MOSPD1: variants seen among roughly 807,000 people sequenced by gnomAD.
The protein encoded by MOSPD1 is motile sperm domain containing 1, also known as motile sperm domain-containing protein 1.
In MOSPD1, 5 loss-of-function variants were observed where a neutral mutation model predicts 16.7. The observed-to-expected ratio is 0.30, with a 90% CI of 0.16 to 0.63. The LOEUF is 0.63. MOSPD1 is among the 30% of genes least tolerant of loss of function. The probability of loss-of-function intolerance (pLI) is 0.82; values close to 1 mark genes in which losing one functional copy is unlikely to be tolerated. For missense variants in MOSPD1, 104 were observed against 153.6 expected (o/e 0.68, Z 1.71); for synonymous variants, 67 against 59.2 (o/e 1.13, Z -0.61).
Position 134,888,228 on chromosome X carries a change from C to A in MOSPD1, c.*933G>T, listed in dbSNP as rs903574185. On this transcript the variant is annotated 3_prime_UTR_variant, in exon 6 of 6. Transcript: ENST00000370783. ...AATAAATAAAAACTTAAAAAAAAGT[C>A]TCAGTGACTGATATAAAATAGACAT... The A allele has an allele frequency of 8.9e-6, 1 of 111,899 alleles. No individual in the cohort carries two copies. The highest frequency in any genetic ancestry group is 9.6e-5 in the Admixed American group (1 of 10,454). The allele number at this position is 111,899 out of a possible 1,213,427, so 9.2% of individuals were successfully genotyped here. A position where few individuals can be genotyped will look rare whatever the true frequency, so the allele number is the denominator to read the frequency against.
intron 1 of MOSPD1, among the ~76,000 whole-genome samples, chrX:134,903,508 T>A (rs1413683563): frequency 1.8e-5 from 2 of 108,140 alleles, no homozygotes; most frequent in Non-Finnish European, 3.8e-5. Flanking sequence ...GGTCAGGAGT[T>A]CGAGACCAGC....
chrX:134,897,286 A>T (rs762255671), intron 3 of MOSPD1, among the ~76,000 whole-genome samples: 65 of 110,580 alleles, frequency 5.9e-4, no homozygotes, highest in African/African-American at 2.1e-3. Flanking sequence ...AGGTAAAGAA[A>T]ATTCCTTTTT....
In MOSPD1 at chrX:134,899,547, G is replaced by A. The variant is rs2082902405; in HGVS notation, c.-101-13C>T. 1.3e-6 allele frequency: 1 copy of A among 747,283 alleles called. No homozygotes were observed. The allele number at this position is 747,283 out of a possible 1,213,427, so 61.6% of individuals were successfully genotyped here. ...GCATTTTGGCAATCTAGAAATAGAAGGAGAAAGCGAGAAGAAAAGTGAATG... is the reference window on the plus strand; with the variant it reads ...GCATTTTGGCAATCTAGAAATAGAAAGAGAAAGCGAGAAGAAAAGTGAATG... On this transcript the variant is annotated splice_polypyrimidine_tract_variant and intron_variant, in intron 1 of 5. Transcript: ENST00000370783.
At chrX:134,903,447 C>A (rs2082922984) in intron 1 of MOSPD1, among the ~76,000 whole-genome samples, 1 of 110,002 alleles carries the variant, frequency 9.1e-6, no homozygotes. Flanking sequence ...CACAGTGGCT[C>A]ACGCCTGTAA....
intron 1 of MOSPD1, among the ~76,000 whole-genome samples, chrX:134,903,985 C>T (rs753378277): frequency 1.8e-5 from 2 of 111,294 alleles, no homozygotes; most frequent in Non-Finnish European, 3.8e-5. Context: ...TGCAGTGAGC[C>T]GAGACTGTGC....
At chrX:134,891,769 T>C in intron 4 of MOSPD1, 129 bp from the exon 5 acceptor site, 1 of 665,559 alleles carries the variant, frequency 1.5e-6, no homozygotes, top group Non-Finnish European at 2.2e-6. Context: ...CCCCATCATT[T>C]TTTCCATCTG....
intron 1 of MOSPD1, among the ~76,000 whole-genome samples, chrX:134,913,375 A>G (rs1031886876): frequency 2.7e-5 from 3 of 111,697 alleles, no homozygotes; most frequent in African/African-American, 9.8e-5. Context: ...CCCTGTCTCA[A>G]AAAATATATA....
chrX:134,889,035 C>A lies in MOSPD1; in HGVS notation c.*126G>T. On this transcript the variant is annotated 3_prime_UTR_variant, in exon 6 of 6. Transcript: ENST00000370783. ...ATTATAATTTAAAATATATATTATA[C>A]ATTTGCAATTATTTGAAATCATTCA... is the stretch of plus-strand genomic sequence containing the variant. The A allele has an allele frequency of 2.8e-6, 1 of 357,265 alleles. No homozygotes were observed. The highest frequency in any genetic ancestry group is 4.8e-6 in the Non-Finnish European group (1 of 209,400). 29.4% of individuals were successfully genotyped at this position (357,265 alleles called of 1,213,427 possible).
Position 134,899,473 on chromosome X carries a change from G to A in MOSPD1, c.-40C>T. 9.1e-7 allele frequency: 1 copy of A among 1,104,660 alleles called. No individual in the cohort carries two copies. The highest frequency in any genetic ancestry group is 2.5e-5 in the South Asian group (1 of 39,755). The allele number at this position is 1,104,660 out of a possible 1,213,427, so 91.0% of individuals were successfully genotyped here. A position where few individuals can be genotyped will look rare whatever the true frequency, so the allele number is the denominator to read the frequency against. On this transcript the variant is annotated 5_prime_UTR_variant, in exon 2 of 6. Transcript: ENST00000370783. The stretch of plus-strand genomic sequence containing the variant: ...CCTTGCTGCAGTTTCTGTTTTTACA[G>A]TCTCAAATCTATTTTGGACTTTTCT...
chrX:134,913,131 T>C (rs2082981344), intron 1 of MOSPD1, among the ~76,000 whole-genome samples: 1 of 109,889 alleles, frequency 9.1e-6, no homozygotes, highest in Non-Finnish European at 1.9e-5. Context: ...CATAGCACTT[T>C]GGGAGACCGA....
At chrX:134,910,733 T>C (rs987487550) in intron 1 of MOSPD1, among the ~76,000 whole-genome samples, 5 of 112,145 alleles carry the variant, frequency 4.5e-5, no homozygotes, top group African/African-American at 1.6e-4. Flanking sequence ...AGCTTTGGCA[T>C]TGCATATGGT....
At chrX:134,914,289 G>A (rs1244150037) in intron 1 of MOSPD1, among the ~76,000 whole-genome samples, 4 of 111,976 alleles carry the variant, frequency 3.6e-5, no homozygotes, top group African/African-American at 1.3e-4. Flanking sequence ...GGGCAGATCT[G>A]CTACTTCAGC....
At chrX:134,895,203 T>C (rs368806104) in intron 4 of MOSPD1, among the ~76,000 whole-genome samples, 20 of 110,424 alleles carry the variant, frequency 1.8e-4, no homozygotes, top group African/African-American at 6.6e-4. Context: ...CGAGCACCTG[T>C]AGTCCCAGCT....
intron 1 of MOSPD1, among the ~76,000 whole-genome samples, chrX:134,903,502 AG>A (rs1481139250): frequency 9.2e-6 from 1 of 108,708 alleles, no homozygotes; most frequent in African/African-American, 3.3e-5. Flanking sequence ...ACCTGAGGTC[AG>A]GAGTTCGAGA....
chrX:134,903,275 GT>G (rs891727213), intron 1 of MOSPD1, among the ~76,000 whole-genome samples: 5 of 110,225 alleles, frequency 4.5e-5, no homozygotes, highest in South Asian at 7.4e-4. Flanking sequence ...ACAGATAAAA[GT>G]TTTTTTTAAA....
In MOSPD1 at chrX:134,889,838, G is replaced by A. The variant is rs570202200; in HGVS notation, c.611-646C>T. On this transcript the variant is annotated intron_variant, in intron 5 of 5. Coordinates refer to ENST00000370783, the MANE Select transcript of MOSPD1 (RefSeq NM_019556.3). ...GTAATGCCAGCACTTTGGGAGGCCGGGGCAGGTGGATCACACGAGGTCAGG... is the reference window on the plus strand; with the variant it reads ...GTAATGCCAGCACTTTGGGAGGCCGAGGCAGGTGGATCACACGAGGTCAGG... 2.7e-5 allele frequency among the ~76,000 whole-genome samples: 3 copies of A among 110,756 alleles called. No homozygotes were observed. The South Asian group carries it at 1.2e-3, about 43-fold the overall frequency.
At chrX:134,903,486 C>T (rs1798973912) in intron 1 of MOSPD1, among the ~76,000 whole-genome samples, 1 of 108,351 alleles carries the variant, frequency 9.2e-6, no homozygotes, top group Non-Finnish European at 1.9e-5. Context: ...CCGAGGTGGG[C>T]GGATCACCTG....
chrX:134,903,402 T>A (rs1300493506), intron 1 of MOSPD1, among the ~76,000 whole-genome samples: 1 of 63,528 alleles, frequency 1.6e-5, no homozygotes, highest in African/African-American at 8.5e-5. Flanking sequence ...AACCAAATTG[T>A]TTTTTTTTTC....
At chrX:134,907,949 T>A (rs1468719400) in intron 1 of MOSPD1, among the ~76,000 whole-genome samples, 1 of 112,123 alleles carries the variant, frequency 8.9e-6, no homozygotes, top group Non-Finnish European at 1.9e-5. Flanking sequence ...TTTTAAAAAA[T>A]TTATGTAGAG....
Sources: gnomAD v4.1 joint callset for allele counts (sites outside exome capture counted in the v4.1 genomes callset) on GRCh38, gnomAD v4.1.1 for gene constraint, MANE v1.5 for transcripts, NCBI Gene and HGNC (gene_info 2026-07-23, HGNC 2026-07-21) for gene names.